The following CCDC7 variants were observed in gnomAD, a reference collection of about 807,000 sequenced individuals.
CCDC7 encodes the protein coiled-coil domain-containing protein 7.
A neutral mutation model predicts 196.9 loss-of-function variants in CCDC7; 183 were observed. The ratio of observed to expected loss-of-function variants is 0.93; its 90% CI spans 0.82 to 1.05. The LOEUF (loss-of-function observed/expected upper bound fraction) is 1.05. CCDC7 is among the 50% of genes least tolerant of loss of function. CCDC7 has a pLI of 0.00. For missense variants in CCDC7, 1,540 were observed against 1,482.2 expected (o/e 1.04, Z -0.64); for synonymous variants, 525 against 484.6 (o/e 1.08, Z -1.10).
intron 29 of CCDC7, among the ~76,000 whole-genome samples, chr10:32,783,863 ATAT>A (rs1327033415): frequency 2.6e-5 from 4 of 152,242 alleles, no homozygotes; most frequent in South Asian, 2.1e-4. Flanking sequence ...GAATCTTGAA[ATAT>A]TATGGTAAGT....
chr10:32,748,313 A>G (rs993370867), intron 28 of CCDC7, among the ~76,000 whole-genome samples: 1 of 152,160 alleles, frequency 6.6e-6, no homozygotes, highest in Non-Finnish European at 1.5e-5. Context: ...CCCATGACAC[A>G]CAATTTACCC....
chr10:32,752,381 T>G (rs915118521), intron 28 of CCDC7, among the ~76,000 whole-genome samples: 1 of 152,160 alleles, frequency 6.6e-6, no homozygotes, highest in East Asian at 1.9e-4. Context: ...TTTTTCAACC[T>G]TTTTCCCCCA....
At chr10:32,863,029 A>G (rs2094064508) in intron 41 of CCDC7, among the ~76,000 whole-genome samples, 1 of 152,116 alleles carries the variant, frequency 6.6e-6, no homozygotes, top group Non-Finnish European at 1.5e-5. Context: ...CAAAATATTC[A>G]GTGTTCATGG....
At chr10:32,878,940 G>T (rs955265313), downstream of CCDC7, among the ~76,000 whole-genome samples, 1 of 152,082 alleles carries the variant, frequency 6.6e-6, no homozygotes, top group Non-Finnish European at 1.5e-5. Context: ...CAGAAAGAAA[G>T]CAGTGGAAGA....
At position 32,544,318 on chromosome 10, in the gene CCDC7, C is replaced by G; in HGVS notation, c.1134+17C>G. The G allele has an allele frequency of 6.3e-7, 1 of 1,598,406 alleles. No individual in the cohort carries two copies. The highest frequency in any genetic ancestry group is 8.5e-7 in the Non-Finnish European group (1 of 1,172,796). On this transcript the variant is annotated intron_variant, in intron 13 of 41. Transcript: ENST00000639629. ...CAAGTACAGGTAACACACCCACTCT[C>G]TCTATGCATCAATATTTGATTAATA...
intron 28 of CCDC7, among the ~76,000 whole-genome samples, chr10:32,767,753 T>C (rs1024449017): frequency 6.6e-6 from 1 of 151,964 alleles, no homozygotes; most frequent in African/African-American, 2.4e-5. Flanking sequence ...AAATATAACC[T>C]CACCAAACTG....
exon 41 of CCDC7, chr10:32,854,455 T>C: frequency 6.2e-7 from 1 of 1,606,882 alleles, no homozygotes; most frequent in Non-Finnish European, 8.5e-7. Flanking sequence ...CTCTGCCTAC[T>C]GTGACCAATA....
chr10:32,871,664 G>A (rs1181111449), intron 41 of CCDC7, among the ~76,000 whole-genome samples: 1 of 151,972 alleles, frequency 6.6e-6, no homozygotes, highest in Non-Finnish European at 1.5e-5. Context: ...GTTTGCTCTT[G>A]CTTCTCTCGT....
intron 13 of CCDC7, among the ~76,000 whole-genome samples, chr10:32,554,143 T>C (rs1309108572): frequency 6.6e-6 from 1 of 152,164 alleles, no homozygotes; most frequent in Non-Finnish European, 1.5e-5. Context: ...CCACCCAAAA[T>C]GAAGGGCCCG....
At chr10:32,487,098 G>T (rs1387448761) in intron 8 of CCDC7, among the ~76,000 whole-genome samples, 1 of 152,062 alleles carries the variant, frequency 6.6e-6, no homozygotes, top group Non-Finnish European at 1.5e-5. Flanking sequence ...TTCCAACTTG[G>T]TTCCATTCTC....
intron 39 of CCDC7, among the ~76,000 whole-genome samples, chr10:32,849,574 G>A (rs1227473966): frequency 2.6e-5 from 4 of 151,662 alleles, no homozygotes; most frequent in South Asian, 2.1e-4. Context: ...ATGGTGGCAC[G>A]TGCCTGTAGT....
At chr10:32,828,439 GAGAAGAAGAAGA>G (rs71030014) in intron 32 of CCDC7, among the ~76,000 whole-genome samples, 1 of 56,756 alleles carries the variant, frequency 1.8e-5, no homozygotes, top group Admixed American at 1.8e-4. Flanking sequence ...AGGAAGGAAG[GAGAAGAAGAAGA>G]AGAAGAAGAA....
At position 32,552,213 on chromosome 10, in the gene CCDC7, G is replaced by A. The variant is rs147089487; in HGVS notation, c.1134+7912G>A. Among the ~76,000 whole-genome samples, 909 of 152,202 alleles carry A rather than the reference G, an allele frequency of 6.0e-3. 9 individuals are homozygous for A. The highest frequency in any genetic ancestry group is 0.021 in the African/African-American group (866 of 41,514). On this transcript the variant is annotated intron_variant, in intron 13 of 41. Transcript: ENST00000639629. ...AGTTTGTTTGTCTGATGTAAGAATA[G>A]CTATCCCTGCTTGCTTTTGGTGTCC...
intron 21 of CCDC7, among the ~76,000 whole-genome samples, chr10:32,665,387 G>T (rs1208787680): frequency 6.6e-6 from 1 of 151,860 alleles, no homozygotes; most frequent in Admixed American, 6.6e-5. Context: ...TCTTTGCCCA[G>T]ATCAACATAA....
intron 18 of CCDC7, among the ~76,000 whole-genome samples, chr10:32,618,097 A>T (rs1172764711): frequency 6.6e-6 from 1 of 151,508 alleles, no homozygotes; most frequent in African/African-American, 2.4e-5. Flanking sequence ...TATATTTTCT[A>T]CCCCTTTACT....
intron 16 of CCDC7, among the ~76,000 whole-genome samples, chr10:32,578,829 T>C (rs2058476469): frequency 6.6e-6 from 1 of 152,170 alleles, no homozygotes; most frequent in African/African-American, 2.4e-5. Flanking sequence ...TTTGATGCTG[T>C]CCAGATGATG....
rs2083535408 is a variant in CCDC7, at chr10:32,729,087, T to C, written c.2779+90T>C. The C allele has an allele frequency of 3.2e-6, 3 of 948,328 alleles. No individual in the cohort carries two copies. In the African/African-American group the frequency reaches 5.0e-5, roughly 16 times the overall value. The allele number at this position is 948,328 out of a possible 1,614,324, so 58.7% of individuals were successfully genotyped here. ...TGATTCGTCAGTGTGTACTTCAGAC[T>C]ATATTTCATCAACTTTTAACTTTGA... On this transcript the variant is annotated intron_variant, in intron 27 of 41. Coordinates refer to ENST00000639629, the Ensembl canonical transcript of CCDC7.
chr10:32,694,994 T>G lies in CCDC7; in HGVS notation c.2458+2T>G. On this transcript the variant is annotated splice_donor_variant, in intron 24 of 41. Coordinates refer to ENST00000639629, the Ensembl canonical transcript of CCDC7. LOFTEE classifies it high-confidence loss of function. ...TTCCTAGAGAGAAAAGACATAGTAGTAAGTATAATAATTATAGATAACTTA... is the reference window on the plus strand; with the variant it reads ...TTCCTAGAGAGAAAAGACATAGTAGGAAGTATAATAATTATAGATAACTTA... 1 of 1,481,656 alleles carries G rather than the reference T, an allele frequency of 6.7e-7. No homozygotes were observed. Among genetic ancestry groups the G allele is most frequent in the Non-Finnish European group, 9.2e-7 (1 of 1,085,940 alleles). The allele number at this position is 1,481,656 out of a possible 1,614,324, so 91.8% of individuals were successfully genotyped here.
chr10:32,603,412 G>A (rs2061266788), intron 18 of CCDC7, among the ~76,000 whole-genome samples: 1 of 152,070 alleles, frequency 6.6e-6, no homozygotes, highest in Non-Finnish European at 1.5e-5. Context: ...CAGTACACAG[G>A]ATGGTGTAGG....
Sources: gnomAD v4.1 joint callset for allele counts (sites outside exome capture counted in the v4.1 genomes callset) on GRCh38, gnomAD v4.1.1 for gene constraint, MANE v1.5 for transcripts, NCBI Gene and HGNC (gene_info 2026-07-23, HGNC 2026-07-21) for gene names.